SMARCA1: variants seen among roughly 807,000 people sequenced by gnomAD.
SMARCA1 encodes SNF2 related chromatin remodeling ATPase 1, also known as SWI/SNF-related matrix-associated actin-dependent regulator of chromatin subfamily A member 1.
In SMARCA1, 17 loss-of-function variants were observed where a neutral mutation model predicts 93.6. The ratio of observed to expected loss-of-function variants is 0.18; its 90% CI spans 0.12 to 0.27. SMARCA1 has a LOEUF of 0.27. Among genes scored for constraint, SMARCA1 ranks in the 10% least tolerant of loss-of-function variants. SMARCA1 has a pLI of 1.00. For synonymous variants in SMARCA1, 271 were observed against 271.4 expected (o/e 1.00, Z 0.01); for missense variants, 630 against 819.0 (o/e 0.77, Z 2.82).
chrX:129,512,429 A>G (rs995445045), intron 5 of SMARCA1, among the ~76,000 whole-genome samples: 2 of 111,582 alleles, frequency 1.8e-5, no homozygotes, highest in African/African-American at 6.5e-5. Context: ...AAATATTCAG[A>G]CTATGTGTCT....
At chrX:129,451,331 G>C (rs1932281586) in intron 23 of SMARCA1, among the ~76,000 whole-genome samples, 1 of 111,617 alleles carries the variant, frequency 9.0e-6, no homozygotes, top group Non-Finnish European at 1.9e-5. Context: ...AGACTAAATA[G>C]AGTCTTTATG....
intron 23 of SMARCA1, among the ~76,000 whole-genome samples, chrX:129,456,277 C>A (rs1316744944): frequency 9.0e-6 from 1 of 111,164 alleles, no homozygotes. Flanking sequence ...ATGTTGAGAC[C>A]CTACTCCTCA....
At chrX:129,512,572 T>G (rs1331458746) in intron 5 of SMARCA1, among the ~76,000 whole-genome samples, 1 of 111,651 alleles carries the variant, frequency 9.0e-6, no homozygotes, top group East Asian at 2.8e-4. Flanking sequence ...AATAATATAT[T>G]CAATATCTAT....
intron 23 of SMARCA1, among the ~76,000 whole-genome samples, chrX:129,464,234 C>T (rs1932856153): frequency 8.9e-6 from 1 of 112,275 alleles, no homozygotes; most frequent in Non-Finnish European, 1.9e-5. Flanking sequence ...TCAACTTGAA[C>T]TGAAAATATA....
intron 13 of SMARCA1, 84 bp downstream of exon 13, chrX:129,492,956 A>G: frequency 2.6e-6 from 1 of 381,142 alleles, no homozygotes; most frequent in Non-Finnish European, 4.8e-6. Context: ...ACTCTCATAC[A>G]TTGCTGCTGG....
At chrX:129,515,203 A>G (rs1445363203) in intron 5 of SMARCA1, among the ~76,000 whole-genome samples, 1 of 110,954 alleles carries the variant, frequency 9.0e-6, no homozygotes, top group African/African-American at 3.3e-5. Context: ...ATGGCCTGTG[A>G]AAGTCTGTGT....
intron 5 of SMARCA1, among the ~76,000 whole-genome samples, chrX:129,513,548 TA>T (rs912234010): frequency 2.0e-4 from 20 of 101,669 alleles, no homozygotes; most frequent in African/African-American, 5.5e-4. Context: ...ATATATATAT[TA>T]AAAAAAGTAA....
intron 15 of SMARCA1, 28 bp downstream of exon 15, chrX:129,490,032 A>G (rs191437485): frequency 3.5e-4 from 376 of 1,086,275 alleles, no homozygotes; most frequent in Non-Finnish European, 4.5e-4. Flanking sequence ...TACAAAAAAC[A>G]CCTAATTAAG....
intron 23 of SMARCA1, among the ~76,000 whole-genome samples, chrX:129,457,362 C>T (rs931718280): frequency 2.7e-5 from 3 of 111,888 alleles, no homozygotes; most frequent in Non-Finnish European, 5.6e-5. Context: ...TGGAACTGAA[C>T]CTGAAATATG....
intron 9 of SMARCA1, among the ~76,000 whole-genome samples, chrX:129,503,940 G>A (rs2030596556): frequency 1.0e-5 from 1 of 99,789 alleles, no homozygotes; most frequent in Admixed American, 1.1e-4. Flanking sequence ...CCAGCAGCCT[G>A]GGCTATAGAG....
intron 2 of SMARCA1, among the ~76,000 whole-genome samples, chrX:129,517,690 A>G (rs1043479969): frequency 2.7e-5 from 3 of 110,125 alleles, no homozygotes; most frequent in Non-Finnish European, 5.7e-5. Flanking sequence ...CCCTCAGAGG[A>G]AAAAAAAATC....
At chrX:129,515,550 A>G (rs1338069288) in intron 5 of SMARCA1, 137 bp downstream of exon 5, 7 of 480,348 alleles carry the variant, frequency 1.5e-5, no homozygotes, top group Non-Finnish European at 2.6e-5. Context: ...TAATTCTAAG[A>G]CTACAAAATA....
At position 129,463,795 on chromosome X, in the gene SMARCA1, G is replaced by T. The variant is rs191538322; in HGVS notation, c.3030+1725C>A. ...TCTACTAAAAATACAAAAGTTAGCC[G>T]GGCGTGGTGCAGGTGCCTGTAATAC... On this transcript the variant is annotated intron_variant, in intron 23 of 24. Coordinates refer to ENST00000371121, the MANE Select transcript of SMARCA1 (RefSeq NM_001282874.2). Among the ~76,000 whole-genome samples, 6 of 110,139 alleles carry T rather than the reference G, an allele frequency of 5.4e-5. No homozygotes were observed. In the East Asian group the frequency reaches 1.4e-3, roughly 26 times the overall value.
At chrX:129,493,348 T>C (rs978785062) in intron 12 of SMARCA1, among the ~76,000 whole-genome samples, 2 of 111,888 alleles carry the variant, frequency 1.8e-5, no homozygotes, top group Non-Finnish European at 3.8e-5. Context: ...CAATTACTTA[T>C]ACATATTACA....
chrX:129,495,537 T>C (rs1934287829), intron 12 of SMARCA1, among the ~76,000 whole-genome samples: 1 of 110,019 alleles, frequency 9.1e-6, no homozygotes, highest in Non-Finnish European at 1.9e-5. Flanking sequence ...TTTTTAAATT[T>C]TATTTTATTT....
At chrX:129,450,607 T>C (rs900219293) in intron 23 of SMARCA1, among the ~76,000 whole-genome samples, 1 of 111,918 alleles carries the variant, frequency 8.9e-6, no homozygotes, top group Non-Finnish European at 1.9e-5. Flanking sequence ...TTTAGAGCAG[T>C]GTTAAACTGG....
chrX:129,493,214 G>T, intron 12 of SMARCA1, 139 bp from the exon 13 acceptor site: 1 of 309,748 alleles, frequency 3.2e-6, no homozygotes. Flanking sequence ...ACATCCATAG[G>T]GTGAAATATT....
chrX:129,521,241 CTTAA>C (rs1258354221), intron 1 of SMARCA1, among the ~76,000 whole-genome samples: 2 of 111,967 alleles, frequency 1.8e-5, no homozygotes, highest in African/African-American at 6.5e-5. Flanking sequence ...TAGGTGGTTA[CTTAA>C]TTGAGAGGGA....
intron 21 of SMARCA1, among the ~76,000 whole-genome samples, chrX:129,468,080 G>A (rs1028676741): frequency 1.8e-5 from 2 of 112,543 alleles, no homozygotes; most frequent in African/African-American, 3.2e-5. Flanking sequence ...GCACCAAAGC[G>A]CTGCGCCCTC....
Sources: allele counts gnomAD v4.1 joint callset (sites outside exome capture counted in the v4.1 genomes callset), GRCh38; gene constraint gnomAD v4.1.1; transcripts MANE v1.5; gene names NCBI Gene and HGNC (gene_info 2026-07-23, HGNC 2026-07-21).